The following PMS1 variants were observed in gnomAD, a reference collection of about 807,000 sequenced individuals.
The protein encoded by PMS1 is PMS1 homolog 1, mismatch repair system component.
PMS1 carries 79 observed loss-of-function variants against 93.1 expected under a neutral mutation model. The observed-to-expected ratio is 0.85, with a 90% confidence interval of 0.71 to 1.02. The LOEUF (loss-of-function observed/expected upper bound fraction) is 1.02, where lower values mean the gene tolerates loss of function less well. Ranked by LOEUF, PMS1 falls within the 50% of genes least tolerant of loss-of-function variation. The pLI is 0.00. For missense variants in PMS1, 1,064 were observed against 1,085.3 expected, an observed-to-expected ratio of 0.98 and a Z score of 0.28; for synonymous variants, 335 against 363.4, an observed-to-expected ratio of 0.92 and a Z score of 0.89.
intron 6 of PMS1, among the ~76,000 whole-genome samples, chr2:189,844,655 A>AAAAAAAAAC (rs2054101152): frequency 6.6e-6 from 1 of 151,010 alleles, no homozygotes; most frequent in African/African-American, 2.4e-5. Flanking sequence ...AAAAAAAAAA[A>AAAAAAAAAC]AAAAAAAACT....
At chr2:189,855,438 A>G (rs1212640677) in intron 9 of PMS1, among the ~76,000 whole-genome samples, 2 of 144,290 alleles carry the variant, frequency 1.4e-5, no homozygotes, top group Non-Finnish European at 3.1e-5. Context: ...TTTATCTTCT[A>G]TTTTTTTTTT....
intron 5 of PMS1, among the ~76,000 whole-genome samples, chr2:189,829,593 T>C (rs1416058511): frequency 2.6e-5 from 4 of 152,192 alleles, no homozygotes; most frequent in African/African-American, 9.7e-5. Flanking sequence ...TAAATCCATC[T>C]GGTCATCATT....
rs2048886267 is a variant in PMS1, at chr2:189,791,718, A to G, written c.-20-72A>G. 2.9e-6 allele frequency: 3 copies of G among 1,036,230 alleles called. No homozygotes were observed. The South Asian group carries it at 3.9e-5, about 13-fold the overall frequency. The allele number at this position is 1,036,230 out of a possible 1,614,324, so 64.2% of individuals were successfully genotyped here. Reference sequence around the variant, plus strand: ...TGAAGATGATCTATTTTCATCTGTCATTATTATTGCCATTTGTCCTGTTGG... The same window carrying G: ...TGAAGATGATCTATTTTCATCTGTCGTTATTATTGCCATTTGTCCTGTTGG... On this transcript the variant is annotated intron_variant, in intron 1 of 12. Transcript: ENST00000441310.
chr2:189,818,288 C>A (rs2106327580), intron 5 of PMS1, 108 bp downstream of exon 5: 1 of 749,358 alleles, frequency 1.3e-6, no homozygotes, highest in Non-Finnish European at 2.2e-6. Context: ...TGTGTGCCCT[C>A]ACAAAATTTA....
In PMS1 at chr2:189,843,966, A is replaced by T. The variant is rs2054026615; in HGVS notation, c.585A>T (p.Ala195=). Residue 195 remains alanine, a splice_region_variant and synonymous_variant, in exon 6 of 13, where the codon GCA becomes GCT. Coordinates refer to ENST00000441310, the MANE Select transcript of PMS1 (RefSeq NM_000534.5). ...ATCTATATCATTTTTGTCCCTAGGC[A>T]GTTATTTGGCAGAAAAGCAGAGTAT... is the stretch of plus-strand genomic sequence containing the variant. ...DLRIVFVHNK[A]VIWQKSRVSD... 1 of 1,612,800 alleles carries T rather than the reference A, an allele frequency of 6.2e-7. No homozygotes were observed. The highest frequency in any genetic ancestry group is 8.5e-7 in the Non-Finnish European group (1 of 1,179,028).
intron 10 of PMS1, among the ~76,000 whole-genome samples, chr2:189,866,532 T>A (rs1270743323): frequency 2.0e-5 from 3 of 152,158 alleles, no homozygotes; most frequent in Non-Finnish European, 4.4e-5. Flanking sequence ...TAATTGTAGG[T>A]TGGGCTCAGT....
At chr2:189,827,946 C>CA (rs2052581636) in intron 5 of PMS1, among the ~76,000 whole-genome samples, 1 of 146,552 alleles carries the variant, frequency 6.8e-6, no homozygotes, top group Admixed American at 6.7e-5. Context: ...TTGTTTGAGA[C>CA]AGAGTCTTGC....
intron 4 of PMS1, among the ~76,000 whole-genome samples, chr2:189,816,458 A>G (rs979776257): frequency 3.3e-5 from 5 of 152,082 alleles, no homozygotes; most frequent in African/African-American, 1.2e-4. Context: ...ACAATGTGTA[A>G]AATTCTTTTC....
Position 189,877,497 on chromosome 2 carries a change from G to C in PMS1, c.*61G>C, listed in dbSNP as rs1217504203. On this transcript the variant is annotated 3_prime_UTR_variant, in exon 13 of 13. Coordinates refer to ENST00000441310, the MANE Select transcript of PMS1 (RefSeq NM_000534.5). ...TTGGTTCTGTCATAAAACAGCATGA[G>C]TCTGGTTTTAAATTATCTTTGTATT... 2 of 1,131,962 alleles carry C rather than the reference G, an allele frequency of 1.8e-6. No homozygotes were observed. Among genetic ancestry groups the C allele is most frequent in the Non-Finnish European group, 2.7e-6 (2 of 754,072 alleles). The allele number at this position is 1,131,962 out of a possible 1,614,324, so 70.1% of individuals were successfully genotyped here.
At chr2:189,796,128 G>A (rs1234690107) in intron 3 of PMS1, among the ~76,000 whole-genome samples, 177 bp downstream of exon 3, 1 of 152,162 alleles carries the variant, frequency 6.6e-6, no homozygotes, top group Non-Finnish European at 1.5e-5. Flanking sequence ...GGAGGCTGAG[G>A]CAGGTGGATC....
chr2:189,829,204 T>C (rs2052709768), intron 5 of PMS1, among the ~76,000 whole-genome samples: 1 of 152,210 alleles, frequency 6.6e-6, no homozygotes, highest in Admixed American at 6.5e-5. Context: ...GGTTAAGTGA[T>C]GGCTTGCACT....
At chr2:189,842,250 G>C (rs926086946) in intron 5 of PMS1, among the ~76,000 whole-genome samples, 10 of 151,884 alleles carry the variant, frequency 6.6e-5, no homozygotes, top group African/African-American at 2.4e-4. Flanking sequence ...TCCTTATTCT[G>C]TGTACCACAC....
At chr2:189,855,161 G>A (rs2106465466) in intron 9 of PMS1, 33 bp downstream of exon 9, 1 of 1,574,800 alleles carries the variant, frequency 6.4e-7, no homozygotes, top group East Asian at 2.2e-5. Flanking sequence ...TGACTTGAAT[G>A]TTCAGCTATT....
intron 5 of PMS1, among the ~76,000 whole-genome samples, chr2:189,838,008 G>C (rs1263041052): frequency 2.0e-5 from 3 of 152,138 alleles, no homozygotes; most frequent in Non-Finnish European, 4.4e-5. Flanking sequence ...GATTGAAAAG[G>C]GATAGGAGTC....
intron 5 of PMS1, among the ~76,000 whole-genome samples, chr2:189,835,088 A>G (rs1187215027): frequency 1.3e-5 from 2 of 152,228 alleles, no homozygotes; most frequent in Admixed American, 1.3e-4. Flanking sequence ...GAATGAAAAA[A>G]TTATTCTTTT....
At chr2:189,862,758 C>G (rs1447906978) in intron 9 of PMS1, among the ~76,000 whole-genome samples, 1 of 152,132 alleles carries the variant, frequency 6.6e-6, no homozygotes, top group African/African-American at 2.4e-5. Flanking sequence ...GGTTTTTTAT[C>G]CTAAGATGTG....
intron 2 of PMS1, among the ~76,000 whole-genome samples, chr2:189,792,688 A>AT (rs2048976328): frequency 3.1e-5 from 4 of 127,260 alleles, no homozygotes; most frequent in South Asian, 4.9e-4. Flanking sequence ...TATGGACACA[A>AT]ATATATATAT....
chr2:189,847,586 G>C (rs2054357737), intron 6 of PMS1, among the ~76,000 whole-genome samples: 1 of 151,648 alleles, frequency 6.6e-6, no homozygotes, highest in African/African-American at 2.4e-5. Flanking sequence ...TAAATTATTT[G>C]TTCCTTTAAT....
intron 2 of PMS1, among the ~76,000 whole-genome samples, chr2:189,792,686 CAAAT>C (rs1384322626): frequency 1.3e-5 from 1 of 79,696 alleles, no homozygotes; most frequent in South Asian, 3.4e-4. Context: ...TATATGGACA[CAAAT>C]ATATATATAT....
Sources: gnomAD v4.1 joint callset for allele counts (sites outside exome capture counted in the v4.1 genomes callset) on GRCh38, gnomAD v4.1.1 for gene constraint, MANE v1.5 for transcripts, NCBI Gene and HGNC (gene_info 2026-07-23, HGNC 2026-07-21) for gene names.